GLDC: variants seen among roughly 807,000 people sequenced by gnomAD.
The protein encoded by GLDC is glycine decarboxylase.
GLDC carries 104 observed loss-of-function variants against 121.3 expected under a neutral mutation model. The observed-to-expected ratio is 0.86, with a 90% CI of 0.73 to 1.01. GLDC has a LOEUF of 1.01. GLDC is among the 50% of genes least tolerant of loss of function. The pLI is 0.00. For synonymous variants in GLDC, 546 were observed against 480.6 expected (o/e 1.14, Z -1.78); for missense variants, 1,429 against 1,306.6 (o/e 1.09, Z -1.44).
At chr9:6,633,103 G>A (rs1488294197) in intron 2 of GLDC, among the ~76,000 whole-genome samples, 2 of 152,032 alleles carry the variant, frequency 1.3e-5, no homozygotes, top group South Asian at 4.2e-4. Flanking sequence ...CGTCAGAAAT[G>A]CAGCCCCTCA....
intron 2 of GLDC, among the ~76,000 whole-genome samples, chr9:6,633,213 C>A (rs1397323320): frequency 6.6e-6 from 1 of 152,152 alleles, no homozygotes; most frequent in East Asian, 1.9e-4. Flanking sequence ...CCGTAACTCC[C>A]TGCCTGAAAA....
intron 23 of GLDC, among the ~76,000 whole-genome samples, chr9:6,535,720 C>A (rs1288512125): frequency 6.6e-6 from 1 of 152,118 alleles, no homozygotes; most frequent in East Asian, 1.9e-4. Context: ...GATAACTGCT[C>A]TAATATAAGA....
chr9:6,606,137 C>G, intron 5 of GLDC: 1 of 191,426 alleles, frequency 5.2e-6, no homozygotes, highest in Non-Finnish European at 1.1e-5. Flanking sequence ...GAAACTCCGT[C>G]TCTACTAAAA....
chr9:6,634,527 TCAAACAAACAAA>T (rs140567848), intron 2 of GLDC, among the ~76,000 whole-genome samples: 7 of 147,336 alleles, frequency 4.8e-5, no homozygotes, highest in South Asian at 4.4e-4. Flanking sequence ...AGACCGTGTC[TCAAACAAACAAA>T]CAAACAAACA....
Position 6,600,298 on chromosome 9 carries a change from G to C in GLDC, c.1155+1811C>G, listed in dbSNP as rs534775176. Among the ~76,000 whole-genome samples, 192 of 151,710 alleles carry C rather than the reference G, an allele frequency of 1.3e-3. 2 individuals are homozygous for C. The highest frequency in any genetic ancestry group is 4.1e-3 in the African/African-American group (170 of 41,390). ...CCGGAGAATAATTTGAGCCCTGGAGGTTGAAGGTTGAGGCTGCAGTGAGCT... is the reference window on the plus strand; with the variant it reads ...CCGGAGAATAATTTGAGCCCTGGAGCTTGAAGGTTGAGGCTGCAGTGAGCT... On this transcript the variant is annotated intron_variant, in intron 8 of 24. Coordinates refer to ENST00000321612, the MANE Select transcript of GLDC (RefSeq NM_000170.3).
intron 22 of GLDC, among the ~76,000 whole-genome samples, chr9:6,538,375 G>A (rs960966777): frequency 2.6e-5 from 4 of 152,208 alleles, no homozygotes; most frequent in African/African-American, 9.6e-5. Context: ...GGGTAAGGCA[G>A]TATGCCCCAA....
At chr9:6,572,731 TACTC>T (rs1227351454) in intron 15 of GLDC, among the ~76,000 whole-genome samples, 1 of 152,238 alleles carries the variant, frequency 6.6e-6, no homozygotes, top group Non-Finnish European at 1.5e-5. Context: ...TCTTGGGTCT[TACTC>T]ACTGCTGAAG....
intron 15 of GLDC, among the ~76,000 whole-genome samples, chr9:6,570,462 G>A (rs1817937740): frequency 6.6e-6 from 1 of 152,124 alleles, no homozygotes. Flanking sequence ...CATAGTTTGT[G>A]CACGGATGGC....
chr9:6,638,986 G>A (rs927303538), intron 2 of GLDC, among the ~76,000 whole-genome samples: 1 of 151,070 alleles, frequency 6.6e-6, no homozygotes, highest in African/African-American at 2.4e-5. Flanking sequence ...TCTAGCCTGG[G>A]CAACAGAGCG....
chr9:6,569,165 A>C (rs1452622712), intron 15 of GLDC: 1 of 152,188 alleles, frequency 6.6e-6, no homozygotes, highest in Non-Finnish European at 1.5e-5. Context: ...AGCAATACTC[A>C]ATGTAAACTT....
rs761279734 is a variant in GLDC, at chr9:6,592,892, C to T, written c.1360G>A (p.Ala454Thr). ...AGCCGAAAATTGATCTGCCGCTGAG[C>T]GGCCCTGCCCAAGACCTCCTTCACT... is the stretch of plus-strand genomic sequence containing the variant. ...CSVKEVLGRA[A>T]QRQINFRLFE... The change falls in exon 10 of 25, where the codon GCT (alanine) becomes ACT (threonine). Residue 454 changes from alanine (A) to threonine (T), a missense_variant. Physicochemically the swap from Ala to Thr is moderately conservative, Grantham distance 58. Coordinates refer to ENST00000321612, the MANE Select transcript of GLDC (RefSeq NM_000170.3). 8.7e-6 allele frequency: 14 copies of T among 1,613,706 alleles called. No individual in the cohort carries two copies. The highest frequency in any genetic ancestry group is 1.1e-5 in the South Asian group (1 of 91,070).
chr9:6,616,899 T>C (rs947783646), intron 3 of GLDC, among the ~76,000 whole-genome samples: 1 of 152,206 alleles, frequency 6.6e-6, no homozygotes, highest in Non-Finnish European at 1.5e-5. Flanking sequence ...CCTGAGATTC[T>C]CTCATTTTAA....
chr9:6,565,549 A>T, intron 15 of GLDC, 120 bp from the exon 16 acceptor site: 1 of 784,964 alleles, frequency 1.3e-6, no homozygotes, highest in Non-Finnish European at 2.3e-6. Flanking sequence ...CACTGTCCAG[A>T]CGCTGAGAGA....
At chr9:6,554,847 C>A (rs899542521) in intron 18 of GLDC, 66 bp from the exon 19 acceptor site, 1 of 1,179,540 alleles carries the variant, frequency 8.5e-7, no homozygotes, top group African/African-American at 1.5e-5. Flanking sequence ...GTGTGAAGGC[C>A]ATGGCTGGCC....
At chr9:6,549,636 C>T (rs1817468370) in intron 21 of GLDC, among the ~76,000 whole-genome samples, 1 of 152,086 alleles carries the variant, frequency 6.6e-6, no homozygotes, top group African/African-American at 2.4e-5. Flanking sequence ...GGTCCTGAGC[C>T]CACAGCCCAA....
intron 9 of GLDC, among the ~76,000 whole-genome samples, chr9:6,594,521 C>T (rs140667281): frequency 0.014 from 2,057 of 152,188 alleles, 37 homozygotes; most frequent in African/African-American, 0.04. Flanking sequence ...CATGGCAAAG[C>T]CCTGTCTCTA....
chr9:6,563,906 G>A (rs1330694323), intron 16 of GLDC, among the ~76,000 whole-genome samples: 4 of 151,980 alleles, frequency 2.6e-5, no homozygotes, highest in African/African-American at 7.2e-5. Context: ...CACTTTGGGA[G>A]GCTTCCTTGA....
At chr9:6,589,063 T>G in intron 12 of GLDC, 132 bp downstream of exon 12, 1 of 744,828 alleles carries the variant, frequency 1.3e-6, no homozygotes, top group Admixed American at 1.9e-5. Flanking sequence ...GTTATGAGGA[T>G]GAAATACTTG....
chr9:6,570,135 G>C (rs1237882995), intron 15 of GLDC, among the ~76,000 whole-genome samples: 2 of 152,192 alleles, frequency 1.3e-5, no homozygotes, highest in African/African-American at 4.8e-5. Context: ...CAAGACTGCA[G>C]AATGCACTAA....
Sources: gnomAD v4.1 joint callset for allele counts (sites outside exome capture counted in the v4.1 genomes callset) on GRCh38, gnomAD v4.1.1 for gene constraint, MANE v1.5 for transcripts, NCBI Gene and HGNC (gene_info 2026-07-23, HGNC 2026-07-21) for gene names.